Variants in CYB5A observed in about 807,000 individuals in gnomAD.
The protein encoded by CYB5A is cytochrome b5.
A neutral mutation model predicts 16.2 loss-of-function variants in CYB5A; 10 were observed. The observed-to-expected ratio is 0.62, with a 90% confidence interval of 0.38 to 1.04. The LOEUF is 1.04. Among genes scored for constraint, CYB5A ranks in the 50% least tolerant of loss-of-function variants. CYB5A has a pLI of 0.01. For missense variants in CYB5A, 161 were observed against 165.9 expected (o/e 0.97, Z 0.16); for synonymous variants, 62 against 57.0 (o/e 1.09, Z -0.40).
chr18:74,259,961 T>C (rs1037314112), intron 3 of CYB5A: 1 of 152,140 alleles, frequency 6.6e-6, no homozygotes, highest in Admixed American at 6.5e-5. Flanking sequence ...AAAATTGCTT[T>C]GTACTAAATA....
At chr18:74,261,163 G>A (rs1484923147) in intron 2 of CYB5A, 4 of 506,892 alleles carry the variant, frequency 7.9e-6, no homozygotes, top group African/African-American at 5.8e-5. Context: ...GAGTTCCAAA[G>A]TTTCGAACAG....
At chr18:74,272,783 G>A (rs1467667339) in intron 1 of CYB5A, among the ~76,000 whole-genome samples, 2 of 152,072 alleles carry the variant, frequency 1.3e-5, no homozygotes, top group Non-Finnish European at 2.9e-5. Flanking sequence ...TTAGCCAGGT[G>A]TAGTGGTGGG....
intron 3 of CYB5A, chr18:74,260,253 T>G (rs1169217719): frequency 6.5e-6 from 1 of 153,268 alleles, no homozygotes; most frequent in Non-Finnish European, 1.5e-5. Context: ...GTCCTTTAAT[T>G]AGACACTAGA....
At chr18:74,281,585 G>C (rs1983104631) in intron 1 of CYB5A, among the ~76,000 whole-genome samples, 1 of 152,212 alleles carries the variant, frequency 6.6e-6, no homozygotes, top group Non-Finnish European at 1.5e-5. Context: ...CACCCTGGGA[G>C]ACCTTGGCAA....
intron 1 of CYB5A, among the ~76,000 whole-genome samples, chr18:74,268,111 G>A (rs575192212): frequency 2.6e-5 from 4 of 152,370 alleles, no homozygotes; most frequent in Admixed American, 6.5e-5. Context: ...AGCCACAGTC[G>A]GAGCCAAGAT....
chr18:74,278,283 T>TAA (rs1167275532), intron 1 of CYB5A, among the ~76,000 whole-genome samples: 1 of 152,204 alleles, frequency 6.6e-6, no homozygotes, highest in Non-Finnish European at 1.5e-5. Context: ...AACAGGGGTC[T>TAA]AAGTCCAGAT....
intron 1 of CYB5A, among the ~76,000 whole-genome samples, chr18:74,269,420 C>T (rs946732303): frequency 8.6e-6 from 1 of 116,156 alleles, no homozygotes; most frequent in Admixed American, 1.0e-4. Flanking sequence ...TCTGCGTTGG[C>T]TCTCCTGATG....
chr18:74,280,680 G>A (rs1351921739), intron 1 of CYB5A, among the ~76,000 whole-genome samples: 2 of 152,076 alleles, frequency 1.3e-5, no homozygotes, highest in African/African-American at 2.4e-5. Flanking sequence ...TATGTTTTTG[G>A]TTATTGATGT....
chr18:74,256,793 G>T, intron 3 of CYB5A: 1 of 1,607,554 alleles, frequency 6.2e-7, no homozygotes, highest in Non-Finnish European at 8.5e-7. Context: ...ACCCCTTTCA[G>T]GGAAAAGCAA....
intron 1 of CYB5A, among the ~76,000 whole-genome samples, chr18:74,271,196 A>C (rs940620199): frequency 5.9e-5 from 9 of 152,354 alleles, no homozygotes; most frequent in African/African-American, 1.7e-4. Flanking sequence ...GACAGAAAAA[A>C]GTACATGAGA....
At chr18:74,272,435 A>G (rs1361677728) in intron 1 of CYB5A, among the ~76,000 whole-genome samples, 2 of 152,184 alleles carry the variant, frequency 1.3e-5, no homozygotes, top group Non-Finnish European at 2.9e-5. Flanking sequence ...TGCAGAAAGT[A>G]AAGATTGCTT....
At chr18:74,287,040 A>G (rs1189916627) in intron 1 of CYB5A, among the ~76,000 whole-genome samples, 2 of 152,210 alleles carry the variant, frequency 1.3e-5, no homozygotes, top group Non-Finnish European at 2.9e-5. Context: ...TCACGGGTTC[A>G]CATTCCCCAG....
At chr18:74,291,468 C>A (rs1292517868) in intron 1 of CYB5A, among the ~76,000 whole-genome samples, 2 of 134,320 alleles carry the variant, frequency 1.5e-5, no homozygotes, top group African/African-American at 5.4e-5. Flanking sequence ...TCGAGGAGAG[C>A]GCCCAGGTGT....
intron 1 of CYB5A, among the ~76,000 whole-genome samples, chr18:74,288,807 C>T (rs1983417441): frequency 6.6e-6 from 1 of 152,136 alleles, no homozygotes; most frequent in Admixed American, 6.5e-5. Context: ...AGCCAATGAC[C>T]AGGACATGCA....
Position 74,263,472 on chromosome 18 carries a change from A to G in CYB5A, c.135T>C (p.Pro45=), listed in dbSNP as rs1168659003. The G allele has an allele frequency of 5.0e-6, 8 of 1,613,996 alleles. No homozygotes were observed. Among genetic ancestry groups the G allele is most frequent in the Non-Finnish European group, 6.8e-6 (8 of 1,179,990 alleles). Reference sequence around the variant, plus strand: ...GTTCCCTTAAAACTTCTTCCCCACCAGGATGCTGTTCAAAGGAGAGGTAGA... The same window carrying G: ...GTTCCCTTAAAACTTCTTCCCCACCGGGATGCTGTTCAAAGGAGAGGTAGA... ...YDLTKFLEEH[P]GGEEVLREQA... Residue 45 remains proline (P), a synonymous_variant, in exon 2 of 5, where the codon CCT becomes CCC. Transcript: ENST00000340533.
At chr18:74,256,162 A>G (rs915328231) in intron 3 of CYB5A, 43 of 184,228 alleles carry the variant, frequency 2.3e-4, no homozygotes, top group South Asian at 1.1e-3. Context: ...CATGAACACA[A>G]TGTTCAATAA....
In CYB5A at chr18:74,253,679, A is replaced by G; in HGVS notation, c.324-14T>C. 1 of 1,582,882 alleles carries G rather than the reference A, an allele frequency of 6.3e-7. No individual in the cohort carries two copies. The highest frequency in any genetic ancestry group is 8.7e-7 in the Non-Finnish European group (1 of 1,152,130). Reference sequence around the variant, plus strand: ...TTGGTCCACCAACTAGAAAGACACAAAAAGCAATGATGCTGACATGATGTG... The same window carrying G: ...TTGGTCCACCAACTAGAAAGACACAGAAAGCAATGATGCTGACATGATGTG... On this transcript the variant is annotated splice_polypyrimidine_tract_variant and intron_variant, in intron 4 of 4. Transcript: ENST00000340533.
chr18:74,291,648 A>G (rs1360442120), intron 1 of CYB5A, 99 bp downstream of exon 1: 4 of 1,554,304 alleles, frequency 2.6e-6, no homozygotes, highest in Non-Finnish European at 3.5e-6. Context: ...GCCTAGGCGT[A>G]GGTATGCGGA....
intron 3 of CYB5A, chr18:74,256,631 G>GGTGTGGTT (rs1981992973): frequency 1.7e-6 from 1 of 584,572 alleles, no homozygotes; most frequent in Non-Finnish European, 3.0e-6. Flanking sequence ...TAAGCATTAG[G>GGTGTGGTT]GCCTCAAACA....
Sources: gnomAD v4.1 joint callset for allele counts (sites outside exome capture counted in the v4.1 genomes callset) on GRCh38, gnomAD v4.1.1 for gene constraint, MANE v1.5 for transcripts, NCBI Gene and HGNC (gene_info 2026-07-23, HGNC 2026-07-21) for gene names.